The following NLRP5 variants were observed in gnomAD, a reference collection of about 807,000 sequenced individuals.
NLRP5 encodes the protein NLR family pyrin domain containing 5.
Under a neutral mutation model 113.1 loss-of-function variants are expected in NLRP5, and 93 were observed. The ratio of observed to expected loss-of-function variants is 0.82; its 90% CI spans 0.70 to 0.98. The LOEUF (loss-of-function observed/expected upper bound fraction) is 0.98, where lower values mean the gene tolerates loss of function less well. Among genes scored for constraint, NLRP5 ranks in the 50% least tolerant of loss-of-function variants. The pLI is 0.00. For missense variants in NLRP5, 1,808 were observed against 1,514.3 expected, an observed-to-expected ratio of 1.19 and a Z score of -3.22; for synonymous variants, 751 against 600.7, an observed-to-expected ratio of 1.25 and a Z score of -3.66.
rs770259115 is a variant in NLRP5 at position 56,027,212 on chromosome 19, A to G, written c.979A>G (p.Lys327Glu). ...CCTCCCCGTTAGAGAGATGCAGCGG[A>G]AGAAGGAGAGCAGTGTCACAGAGTT... Residue 327 changes from lysine (K) to glutamate (E), a missense_variant, in exon 7 of 15, where the codon AAG becomes GAG. Coordinates refer to ENST00000390649, the MANE Select transcript of NLRP5 (RefSeq NM_153447.4). 5.0e-6 allele frequency: 8 copies of G among 1,612,096 alleles called. No homozygotes were observed. In the South Asian group the frequency reaches 8.8e-5, roughly 18 times the overall value.
In NLRP5 at chr19:56,020,492, G is replaced by A. The variant is rs1294489233; in HGVS notation, c.679+61G>A. The A allele has an allele frequency of 2.1e-5, 32 of 1,532,390 alleles. No homozygotes were observed. In the East Asian group the frequency reaches 6.1e-4, roughly 29 times the overall value. The allele number at this position is 1,532,390 out of a possible 1,614,324, so 94.9% of individuals were successfully genotyped here. A position where few individuals can be genotyped will look rare whatever the true frequency, so the allele number is the denominator to read the frequency against. ...TGGAAGAAAGTTGGGTGAAAGAAGT[G>A]TAAGTAGTTTAGATTTCAAGGGTAT... is the stretch of plus-strand genomic sequence containing the variant. On this transcript the variant is annotated intron_variant, in intron 6 of 14. Coordinates refer to ENST00000390649, the MANE Select transcript of NLRP5 (RefSeq NM_153447.4).
the NLRP5 span, chr19:55,987,730 C>G: frequency 2.0e-6 from 2 of 986,046 alleles, no homozygotes; most frequent in Non-Finnish European, 3.3e-6. Context: ...GTAGAAAAAG[C>G]ATAGAGACAA....
chr19:56,060,854 A>G (rs552440063), intron 14 of NLRP5, among the ~76,000 whole-genome samples: 1 of 152,272 alleles, frequency 6.6e-6, no homozygotes, highest in African/African-American at 2.4e-5. Flanking sequence ...AAAGCCCTAT[A>G]TTGCAGGTCA....
intron 11 of NLRP5, among the ~76,000 whole-genome samples, chr19:56,042,609 C>CT (rs1983562893): frequency 6.9e-6 from 1 of 144,278 alleles, no homozygotes; most frequent in African/African-American, 2.6e-5. Context: ...TCCCAGAGTG[C>CT]TGGGATTACA....
chr19:55,996,551 T>C (rs1599871875), upstream of NLRP5, among the ~76,000 whole-genome samples: 1 of 152,158 alleles, frequency 6.6e-6, no homozygotes, highest in Admixed American at 6.5e-5. Flanking sequence ...GTGTTCTCAT[T>C]GTTCAGTTCC....
intron 4 of NLRP5, chr19:56,018,481 T>G (rs889112212): frequency 6.6e-6 from 1 of 152,220 alleles, no homozygotes; most frequent in Admixed American, 6.5e-5. Context: ...AAGAACAATT[T>G]CTTTGCTTTT....
intron 12 of NLRP5, among the ~76,000 whole-genome samples, chr19:56,053,311 G>A (rs1281307233): frequency 2.0e-5 from 3 of 152,020 alleles, no homozygotes; most frequent in Non-Finnish European, 4.4e-5. Context: ...AGGGAGAATA[G>A]CTTGAACCTG....
rs762434681 is a variant in NLRP5 at position 56,020,446 on chromosome 19, T to C, written c.679+15T>C. On this transcript the variant is annotated intron_variant, in intron 6 of 14. Coordinates refer to ENST00000390649, the MANE Select transcript of NLRP5 (RefSeq NM_153447.4). ...AGAAGAACAAGGTGAGGAAAATAGA[T>C]GTATTCCTTGGTTGCCCTCCTGGAA... 3 of 1,612,360 alleles carry C rather than the reference T, an allele frequency of 1.9e-6. No homozygotes were observed. The Admixed American group carries it at 5.0e-5, about 27-fold the overall frequency.
intron 8 of NLRP5, among the ~76,000 whole-genome samples, chr19:56,033,261 C>CA (rs545337812): frequency 3.9e-4 from 58 of 150,556 alleles, no homozygotes; most frequent in Middle Eastern, 3.4e-3. Flanking sequence ...AAACAAAAAA[C>CA]AAAAAAAAAC....
At chr19:56,012,626 G>A (rs535213359) in intron 3 of NLRP5, among the ~76,000 whole-genome samples, 1 of 148,356 alleles carries the variant, frequency 6.7e-6, no homozygotes, top group African/African-American at 2.5e-5. Context: ...GAGAAAATTG[G>A]CCTGTCTTAC....
intron 11 of NLRP5, among the ~76,000 whole-genome samples, chr19:56,047,701 AGTT>A (rs1424450950): frequency 6.6e-6 from 1 of 152,208 alleles, no homozygotes; most frequent in Non-Finnish European, 1.5e-5. Flanking sequence ...TGTATTCTGC[AGTT>A]GTTGGATGAA....
At chr19:55,996,285 C>A (rs548959493), upstream of NLRP5, among the ~76,000 whole-genome samples, 1 of 152,224 alleles carries the variant, frequency 6.6e-6, no homozygotes, top group East Asian at 1.9e-4. Context: ...CATACATGGC[C>A]TTTATTGTTC....
upstream of NLRP5, among the ~76,000 whole-genome samples, chr19:55,996,062 T>G (rs1373175541): frequency 6.6e-6 from 1 of 152,232 alleles, no homozygotes; most frequent in Admixed American, 6.5e-5. Flanking sequence ...TAGGCTTTTC[T>G]AAATGAAAGA....
intron 10 of NLRP5, among the ~76,000 whole-genome samples, chr19:56,039,942 C>A (rs1770175348): frequency 6.6e-6 from 1 of 151,802 alleles, no homozygotes; most frequent in African/African-American, 2.4e-5. Flanking sequence ...CTAGTTTATG[C>A]CTAAGGGTCA....
intron 4 of NLRP5, among the ~76,000 whole-genome samples, chr19:56,017,773 G>C (rs1233764664): frequency 6.6e-6 from 1 of 152,096 alleles, no homozygotes; most frequent in Non-Finnish European, 1.5e-5. Flanking sequence ...TTCCATATCG[G>C]TAAATAGCGT....
chr19:56,054,234 A>G (rs1984042241), intron 13 of NLRP5, among the ~76,000 whole-genome samples: 1 of 152,140 alleles, frequency 6.6e-6, no homozygotes, highest in South Asian at 2.1e-4. Context: ...CAGAGCTCCA[A>G]TATAGTGGAC....
intron 11 of NLRP5, among the ~76,000 whole-genome samples, chr19:56,047,838 T>C (rs1216593514): frequency 6.6e-6 from 1 of 152,208 alleles, no homozygotes; most frequent in Non-Finnish European, 1.5e-5. Context: ...TCCCCCAGTA[T>C]TACTGTGTTG....
intron 10 of NLRP5, among the ~76,000 whole-genome samples, chr19:56,039,768 G>C (rs534492260): frequency 6.6e-6 from 1 of 152,092 alleles, no homozygotes; most frequent in Non-Finnish European, 1.5e-5. Flanking sequence ...AAAAAAATTA[G>C]CTGTGCATGG....
In NLRP5 at chr19:56,004,159, C is replaced by T. The variant is rs1981766112; in HGVS notation, c.442+64C>T. ...AGGTGATTTCAGGTTCTCATGGGAA[C>T]AGGGAAGAATCGTTGTTCAGTAACC... On this transcript the variant is annotated intron_variant, in intron 2 of 14. Coordinates refer to ENST00000390649, the MANE Select transcript of NLRP5 (RefSeq NM_153447.4). 4.6e-6 allele frequency: 7 copies of T among 1,511,554 alleles called. No individual in the cohort carries two copies. In the African/African-American group the frequency reaches 5.5e-5, roughly 12 times the overall value. The allele number at this position is 1,511,554 out of a possible 1,614,324, so 93.6% of individuals were successfully genotyped here. A position where few individuals can be genotyped will look rare whatever the true frequency, so the allele number is the denominator to read the frequency against.
Sources: gnomAD v4.1 joint callset for allele counts (sites outside exome capture counted in the v4.1 genomes callset) on GRCh38, gnomAD v4.1.1 for gene constraint, MANE v1.5 for transcripts, NCBI Gene and HGNC (gene_info 2026-07-23, HGNC 2026-07-21) for gene names.